LY9: variants seen among roughly 807,000 people sequenced by gnomAD.
LY9 encodes T-lymphocyte surface antigen Ly-9.
Under a neutral mutation model 64.6 loss-of-function variants are expected in LY9, and 59 were observed. The ratio of observed to expected loss-of-function variants is 0.91; its 90% confidence interval spans 0.74 to 1.13. The LOEUF (loss-of-function observed/expected upper bound fraction) is 1.13. Among genes scored for constraint, LY9 ranks in the 50% most tolerant of loss-of-function variants. The pLI is 0.00. For missense variants in LY9, 789 were observed against 797.2 expected, an observed-to-expected ratio of 0.99 and a Z score of 0.12; for synonymous variants, 281 against 308.5, an observed-to-expected ratio of 0.91 and a Z score of 0.93.
intron 9 of LY9, among the ~76,000 whole-genome samples, chr1:160,825,000 A>G (rs1229238021): frequency 1.3e-5 from 2 of 151,274 alleles, no homozygotes; most frequent in Non-Finnish European, 2.9e-5. Flanking sequence ...AAAAAAAAAA[A>G]ATTCCCAGCC....
intron 7 of LY9, among the ~76,000 whole-genome samples, chr1:160,821,344 C>T (rs1668433157): frequency 6.6e-6 from 1 of 152,040 alleles, no homozygotes; most frequent in East Asian, 1.9e-4. Context: ...GGAGGGTGTT[C>T]CTTTAACTTC....
intron 7 of LY9, among the ~76,000 whole-genome samples, chr1:160,821,151 T>TAAAAAAAAAAAAAAAAAAAAAA (rs373539992): frequency 1.9e-5 from 2 of 105,090 alleles, no homozygotes; most frequent in Non-Finnish European, 3.6e-5. Context: ...GAAACTTTGC[T>TAAAAAAAAAAAAAAAAAAAAAA]AAAAAAAAAA....
Position 160,796,253 on chromosome 1 carries a change from G to A in LY9, c.66G>A (p.Arg22=), listed in dbSNP as rs770773623. Residue 22 remains arginine, a synonymous_variant, in exon 1 of 10, where the codon AGG becomes AGA. Transcript: ENST00000263285. Reference sequence around the variant, plus strand: ...GGCCTTTCTCCAGTAAGCCACAGAGGAGTCAGCTGCAAATATTCTCTTCTG... The same window carrying A: ...GGCCTTTCTCCAGTAAGCCACAGAGAAGTCAGCTGCAAATATTCTCTTCTG... ...APGPFSSKPQ[R]SQLQIFSSVL... is the part of the protein sequence containing the mutation. 1.1e-5 allele frequency: 18 copies of A among 1,614,004 alleles called. No individual in the cohort carries two copies. In the East Asian group the frequency reaches 3.8e-4, roughly 34 times the overall value.
intron 2 of LY9, among the ~76,000 whole-genome samples, chr1:160,807,719 G>A (rs1450005180): frequency 2.6e-5 from 4 of 152,188 alleles, no homozygotes; most frequent in African/African-American, 9.7e-5. Context: ...CAGTCTCCAG[G>A]ACCACAGGTG....
intron 2 of LY9, chr1:160,802,523 G>A (rs1437848746): frequency 2.0e-6 from 2 of 985,616 alleles, no homozygotes; most frequent in East Asian, 1.1e-4. Flanking sequence ...CACCAACTCA[G>A]TGTTTGTCAG....
chr1:160,796,347 G>A, intron 1 of LY9, 36 bp downstream of exon 1: 1 of 1,596,924 alleles, frequency 6.3e-7, no homozygotes, highest in Non-Finnish European at 8.5e-7. Context: ...TCTTGCTACT[G>A]CGGTTCTTCT....
chr1:160,809,192 C>T (rs3856334), intron 2 of LY9, among the ~76,000 whole-genome samples: 55,261 of 111,546 alleles, frequency 0.5, 11,008 homozygotes, highest in Non-Finnish European at 0.56. Context: ...TATATGCATT[C>T]TTTTTTTTTT....
At chr1:160,806,629 G>T (rs1667015795) in intron 2 of LY9, among the ~76,000 whole-genome samples, 1 of 152,186 alleles carries the variant, frequency 6.6e-6, no homozygotes, top group African/African-American at 2.4e-5. Context: ...TTTATAGGTG[G>T]CTAGATGTTT....
chr1:160,817,989 A>G (rs561406056), intron 5 of LY9, among the ~76,000 whole-genome samples: 1 of 152,326 alleles, frequency 6.6e-6, no homozygotes, highest in East Asian at 1.9e-4. Flanking sequence ...GACACTGGGC[A>G]AGCCGTAAAC....
In LY9 at chr1:160,823,676, C is replaced by T. The variant is rs763678253; in HGVS notation, c.1710C>T (p.Gly570=). The T allele has an allele frequency of 8.1e-6, 13 of 1,613,728 alleles. No individual in the cohort carries two copies. Among genetic ancestry groups the T allele is most frequent in the Admixed American group, 6.7e-5 (4 of 59,998 alleles). ...TATTTGACCAGGTCACTCAGGAGGGCGCTGGACATGACCCAGCCCCTGAGG... is the reference window on the plus strand; with the variant it reads ...TATTTGACCAGGTCACTCAGGAGGGTGCTGGACATGACCCAGCCCCTGAGG... ...YEVFDQVTQE[G]AGHDPAPEGQ... Residue 570 remains glycine, a synonymous_variant, in exon 8 of 10, where the codon GGC becomes GGT. Coordinates refer to ENST00000263285, the MANE Select transcript of LY9 (RefSeq NM_002348.4).
chr1:160,813,716 T>C lies in LY9; in HGVS notation c.535T>C (p.Ser179Pro). ...NFSCNITLMC[S>P]VKGAEKSVLY... is the part of the protein sequence containing the mutation. ...CTCCTGTAACATCACTCTAATGTGC[T>C]CCGTGAAGGGGGCAGAGAAAAGTGT... The change falls in exon 3 of 10, where the codon TCC (serine) becomes CCC (proline). Residue 179 changes from serine to proline, a missense_variant. By Grantham distance (74) the Ser-to-Pro change is moderately conservative (BLOSUM62 -1). Transcript: ENST00000263285. The C allele has an allele frequency of 6.2e-7, 1 of 1,614,166 alleles. No homozygotes were observed. The highest frequency in any genetic ancestry group is 8.5e-7 in the Non-Finnish European group (1 of 1,180,020).
In LY9 at chr1:160,803,694, T is replaced by C. The variant is rs1403117670; in HGVS notation, c.454+3612T>C. On this transcript the variant is annotated intron_variant, in intron 2 of 9. Transcript: ENST00000263285. ...TCTAAGAGTTTTTTGGTGGAGTCTT[T>C]AGGTTTCTCTAGTTATAAGATCATA... Among the ~76,000 whole-genome samples, 6 of 152,320 alleles carry C rather than the reference T, an allele frequency of 3.9e-5. No individual in the cohort carries two copies. In the East Asian group the frequency reaches 1.2e-3, roughly 29 times the overall value.
intron 9 of LY9, 122 bp downstream of exon 9, chr1:160,824,371 A>C: frequency 6.7e-7 from 1 of 1,501,830 alleles, no homozygotes. Context: ...CCCACTATGC[A>C]CCCCTCAGAT....
At chr1:160,809,646 C>G (rs1667314168) in intron 2 of LY9, 1 of 151,784 alleles carries the variant, frequency 6.6e-6, no homozygotes, top group African/African-American at 2.4e-5. Flanking sequence ...ACAGGCACCA[C>G]TGCACCTAGC....
At chr1:160,820,826 G>A (rs1268832667) in intron 7 of LY9, among the ~76,000 whole-genome samples, 1 of 146,908 alleles carries the variant, frequency 6.8e-6, no homozygotes, top group African/African-American at 2.5e-5. Flanking sequence ...TCACCAATTT[G>A]TTGTTTAATT....
rs1414407710 is a variant in LY9 at position 160,823,794 on chromosome 1, C to T, written c.1828C>T (p.Gln610Ter). The change falls in exon 8 of 10, where the codon CAG (glutamine) becomes TAG (stop). Residue 610 changes from glutamine to a stop codon, truncating the protein, a stop_gained and splice_region_variant. Coordinates refer to ENST00000263285, the MANE Select transcript of LY9 (RefSeq NM_002348.4). LOFTEE classifies it high-confidence loss of function. ...CATGTATGCACAAGTGTTCAACTTACAGGTGAGCCCTTCTGATCAATACAC... is the reference window on the plus strand; with the variant it reads ...CATGTATGCACAAGTGTTCAACTTATAGGTGAGCCCTTCTGATCAATACAC... ...NTMYAQVFNL[Q>*]GKTPVSQKEE... 1 of 1,606,738 alleles carries T rather than the reference C, an allele frequency of 6.2e-7. No individual in the cohort carries two copies.
At chr1:160,819,399 A>G (rs1202320914) in intron 7 of LY9, 25 bp downstream of exon 7, 1 of 1,598,346 alleles carries the variant, frequency 6.3e-7, no homozygotes, top group Non-Finnish European at 8.6e-7. Flanking sequence ...GACACAGGCT[A>G]TGGGGTATCT....
Position 160,816,725 on chromosome 1 carries a change from G to A in LY9, c.1204G>A (p.Glu402Lys). 2 of 1,614,244 alleles carry A rather than the reference G, an allele frequency of 1.2e-6. No homozygotes were observed. Among genetic ancestry groups the A allele is most frequent in the Non-Finnish European group, 1.7e-6 (2 of 1,180,042 alleles). Residue 402 changes from glutamate to lysine, a missense_variant, in exon 5 of 10, where the codon GAA becomes AAA. By Grantham distance (56) the Glu-to-Lys change is moderately conservative (BLOSUM62 1). Transcript: ENST00000263285. ...VMYTWTPLQK[E>K]AVVSQGESHL... ...GTACACATGGACCCCGCTGCAGAAG[G>A]AAGCTGTTGTGTCCCAAGGGGAATC...
At chr1:160,797,289 T>G (rs1459604231) in intron 1 of LY9, 1 of 985,346 alleles carries the variant, frequency 1.0e-6, no homozygotes, top group African/African-American at 1.7e-5. Flanking sequence ...GCACTAGAGA[T>G]CTGAGAGCAG....
Sources: gnomAD v4.1 joint callset for allele counts (sites outside exome capture counted in the v4.1 genomes callset) on GRCh38, gnomAD v4.1.1 for gene constraint, MANE v1.5 for transcripts, NCBI Gene and HGNC (gene_info 2026-07-23, HGNC 2026-07-21) for gene names.